The following EPS8L3 variants were observed in gnomAD, a reference collection of about 807,000 sequenced individuals.
The protein encoded by EPS8L3 is epidermal growth factor receptor kinase substrate 8-like protein 3.
A neutral mutation model predicts 88.5 loss-of-function variants in EPS8L3; 80 were observed. That is an observed-to-expected ratio of 0.90 (90% CI 0.75 to 1.09). EPS8L3 has a LOEUF of 1.09. EPS8L3 is among the 50% of genes least tolerant of loss of function. EPS8L3 has a pLI of 0.00. For missense variants in EPS8L3, 721 were observed against 735.2 expected, an observed-to-expected ratio of 0.98 and a Z score of 0.22; for synonymous variants, 286 against 291.0, an observed-to-expected ratio of 0.98 and a Z score of 0.18.
chr1:109,761,539 G>A lies in EPS8L3; in HGVS notation c.52C>T (p.Gln18Ter). The A allele has an allele frequency of 6.2e-7, 1 of 1,613,666 alleles. No homozygotes were observed. Among genetic ancestry groups the A allele is most frequent in the Non-Finnish European group, 8.5e-7 (1 of 1,179,804 alleles). ...AGGGTGGGCTCTGAGGTGAGGTTCT[G>A]GGAGTACTCCTTCCGGTGCACTACA... ...AIYLHRKEYS[Q>*]NLTSEPTLLQ... The change falls in exon 3 of 19, where the codon CAG becomes TAG. Residue 18 changes from glutamine to a stop codon, truncating the protein, a stop_gained. Coordinates refer to ENST00000361965, the MANE Select transcript of EPS8L3 (RefSeq NM_133181.4). LOFTEE classifies it high-confidence loss of function.
At position 109,758,606 on chromosome 1, in the gene EPS8L3, T is replaced by C; in HGVS notation, c.519A>G (p.Glu173=). 6.2e-7 allele frequency: 1 copy of C among 1,612,950 alleles called. No individual in the cohort carries two copies. The highest frequency in any genetic ancestry group is 8.5e-7 in the Non-Finnish European group (1 of 1,179,366). Residue 173 remains glutamate, a synonymous_variant, in exon 7 of 19, where the codon GAA becomes GAG. Transcript: ENST00000361965. ...GQDRWRGPAM[E]RPLPMEQARY... ...GTGCCTGCTCCATAGGGAGCGGCCT[T>C]TCCATAGCAGGCCCCCTCCATCTGT...
intron 3 of EPS8L3, 124 bp downstream of exon 3, chr1:109,761,371 G>T: frequency 1.3e-6 from 1 of 790,668 alleles, no homozygotes; most frequent in Non-Finnish European, 2.0e-6. Flanking sequence ...CGACATGGTT[G>T]GGACAGGCTG....
chr1:109,760,506 C>G (rs7534034), intron 3 of EPS8L3, among the ~76,000 whole-genome samples: 1 of 151,860 alleles, frequency 6.6e-6, no homozygotes, highest in Non-Finnish European at 1.5e-5. Flanking sequence ...TTGACCCCAC[C>G]CCCCTGCCCA....
In EPS8L3 at chr1:109,759,423, A is replaced by G; in HGVS notation, c.256-36T>C. ...TGGAGAGGTCAACTGTGAGGCCACC[A>G]GAGCTAGGTGTGGCTTCTGGGAGCT... On this transcript the variant is annotated intron_variant, in intron 4 of 18. Coordinates refer to ENST00000361965, the MANE Select transcript of EPS8L3 (RefSeq NM_133181.4). This position sits in a 1 kb window ranked among gnomAD's most constrained non-coding sequence, Gnocchi z 4.2. The G allele has an allele frequency of 4.4e-6, 7 of 1,606,936 alleles. No individual in the cohort carries two copies. The highest frequency in any genetic ancestry group is 6.0e-6 in the Non-Finnish European group (7 of 1,176,400).
chr1:109,760,185 G>A lies in EPS8L3; in HGVS notation c.97-349C>T, dbSNP rs113044568. Among the ~76,000 whole-genome samples the A allele has an allele frequency of 6.5e-3, 993 of 152,272 alleles. 14 individuals carry two copies. Among genetic ancestry groups the A allele is most frequent in the African/African-American group, 0.023 (943 of 41,534 alleles). ...CCCAACAAATAACTCCTCTGGAGGT[G>A]ATACAGGACCCTCAGATTCTGTCCC... On this transcript the variant is annotated intron_variant, in intron 3 of 18. Coordinates refer to ENST00000361965, the MANE Select transcript of EPS8L3 (RefSeq NM_133181.4).
intron 12 of EPS8L3, among the ~76,000 whole-genome samples, chr1:109,756,049 C>A (rs1267700907): frequency 3.9e-5 from 6 of 152,226 alleles, no homozygotes; most frequent in Non-Finnish European, 8.8e-5. Flanking sequence ...GCAAACTATG[C>A]TTGTCAAGGT....
In EPS8L3 at chr1:109,759,185, T is replaced by C. The variant is rs1570698839; in HGVS notation, c.405+53A>G. On this transcript the variant is annotated intron_variant, in intron 5 of 18. Transcript: ENST00000361965. The surrounding 1 kb of genome is among the most constrained non-coding windows in gnomAD (Gnocchi z 4.2). Reference sequence around the variant, plus strand: ...TGTGTGTGTGTGTGTGTGTGTGTGGTGGGGTGATGGTCGATGAACCCCACC... The same window carrying C: ...TGTGTGTGTGTGTGTGTGTGTGTGGCGGGGTGATGGTCGATGAACCCCACC... The C allele has an allele frequency of 1.6e-5, 25 of 1,540,966 alleles. 1 individual carries two copies. In the South Asian group the frequency reaches 2.8e-4, roughly 17 times the overall value.
At chr1:109,755,411 A>C (rs1190491810) in intron 12 of EPS8L3, among the ~76,000 whole-genome samples, 1 of 152,242 alleles carries the variant, frequency 6.6e-6, no homozygotes. Context: ...ATTTCATGCT[A>C]TGTATATTAT....
rs139691486 is a variant in EPS8L3, at chr1:109,757,288, G to T, written c.970-123C>A. 6.1e-5 allele frequency: 77 copies of T among 1,262,996 alleles called. No homozygotes were observed. In the African/African-American group the frequency reaches 1.1e-3, roughly 18 times the overall value. 78.2% of individuals were successfully genotyped at this position (1,262,996 alleles called of 1,614,324 possible). On this transcript the variant is annotated intron_variant, in intron 11 of 18. Coordinates refer to ENST00000361965, the MANE Select transcript of EPS8L3 (RefSeq NM_133181.4). The stretch of plus-strand genomic sequence containing the variant: ...GGTAGGATGTTACCTCCTGCAAGGG[G>T]CCCCATCTGCCTTGGGCCTGCTGCT...
chr1:109,758,504 C>A lies in EPS8L3; in HGVS notation c.601+20G>T, dbSNP rs1221638070. 4 of 1,560,770 alleles carry A rather than the reference C, an allele frequency of 2.6e-6. No individual in the cohort carries two copies. The highest frequency in any genetic ancestry group is 1.2e-5 in the South Asian group (1 of 82,758). On this transcript the variant is annotated intron_variant, in intron 7 of 18. Transcript: ENST00000361965. ...TCATCGAAACCCTCTCCTTCACCTG[C>A]CCCCATGCCCCAAACTTACTGTGCT... is the stretch of plus-strand genomic sequence containing the variant.
Position 109,758,504 on chromosome 1 carries a change from C to T in EPS8L3, c.601+20G>A. ...TCATCGAAACCCTCTCCTTCACCTG[C>T]CCCCATGCCCCAAACTTACTGTGCT... On this transcript the variant is annotated intron_variant, in intron 7 of 18. Transcript: ENST00000361965. 1 of 1,560,770 alleles carries T rather than the reference C, an allele frequency of 6.4e-7. No homozygotes were observed. Among genetic ancestry groups the T allele is most frequent in the Non-Finnish European group, 8.7e-7 (1 of 1,154,186 alleles).
intron 14 of EPS8L3, 37 bp from the exon 15 acceptor site, chr1:109,752,230 C>G (rs762649605): frequency 6.3e-7 from 1 of 1,578,826 alleles, no homozygotes; most frequent in Non-Finnish European, 8.6e-7. Context: ...AGAATGGGGC[C>G]TCAGAAATTA....
intron 17 of EPS8L3, 38 bp from the exon 18 acceptor site, chr1:109,750,830 G>A (rs1649723805): frequency 6.2e-7 from 1 of 1,612,536 alleles, no homozygotes; most frequent in Admixed American, 1.7e-5. Flanking sequence ...GTGGTGGGCT[G>A]GAAGGACCCT....
rs756144095 is a variant in EPS8L3 at position 109,758,505 on chromosome 1, C to T, written c.601+19G>A. The stretch of plus-strand genomic sequence containing the variant: ...CATCGAAACCCTCTCCTTCACCTGC[C>T]CCCATGCCCCAAACTTACTGTGCTC... On this transcript the variant is annotated intron_variant, in intron 7 of 18. Coordinates refer to ENST00000361965, the MANE Select transcript of EPS8L3 (RefSeq NM_133181.4). 20 of 1,561,214 alleles carry T rather than the reference C, an allele frequency of 1.3e-5. No homozygotes were observed. The highest frequency in any genetic ancestry group is 1.9e-5 in the Admixed American group (1 of 51,664).
In EPS8L3 at chr1:109,758,075, C is replaced by A. The variant is rs1650476069; in HGVS notation, c.718-17G>T. On this transcript the variant is annotated splice_polypyrimidine_tract_variant and intron_variant, in intron 8 of 18. Transcript: ENST00000361965. The stretch of plus-strand genomic sequence containing the variant: ...CAGCACTTCCTGGGCCCCAAACAAC[C>A]CATGGCCTTGAACGGGCAGTTGGGC... The A allele has an allele frequency of 1.2e-6, 2 of 1,610,334 alleles. No homozygotes were observed. The highest frequency in any genetic ancestry group is 3.3e-5 in the Admixed American group (2 of 60,000).
At chr1:109,763,061 C>T (rs181060341) in intron 1 of EPS8L3, among the ~76,000 whole-genome samples, 18 of 152,230 alleles carry the variant, frequency 1.2e-4, no homozygotes, top group Admixed American at 4.6e-4. Flanking sequence ...TGGACTACCC[C>T]GGGTAACATG....
intron 3 of EPS8L3, 59 bp downstream of exon 3, chr1:109,761,436 G>A (rs763928795): frequency 5.5e-6 from 8 of 1,464,154 alleles, no homozygotes; most frequent in African/African-American, 1.4e-5. Context: ...CAGGGCGGTG[G>A]GCACATGGGA....
At chr1:109,763,204 C>T (rs1651181636) in intron 1 of EPS8L3, among the ~76,000 whole-genome samples, 1 of 152,326 alleles carries the variant, frequency 6.6e-6, no homozygotes, top group Middle Eastern at 3.4e-3. Flanking sequence ...ACGGCTGGAT[C>T]TCTGGTTTCC....
Position 109,757,054 on chromosome 1 carries a change from G to T in EPS8L3, c.1081C>A (p.Leu361Ile), listed in dbSNP as rs756032557. 87 of 1,614,066 alleles carry T rather than the reference G, an allele frequency of 5.4e-5. No homozygotes were observed. Among genetic ancestry groups the T allele is most frequent in the Non-Finnish European group, 6.9e-5 (82 of 1,180,036 alleles). Residue 361 changes from leucine (L) to isoleucine (I), a missense_variant, in exon 12 of 19, where the codon CTT becomes ATT. Leu to Ile is a conservative substitution (Grantham distance 5). Transcript: ENST00000361965. Reference sequence around the variant, plus strand: ...CAGGCTGGGCCCAACCCCATCCAAAGGTTACTCTCAGGTGGGCTTAGACAG... The same window carrying T: ...CAGGCTGGGCCCAACCCCATCCAAATGTTACTCTCAGGTGGGCTTAGACAG... ...QSCLSPPESNLWMGLGPAWTT... is the reference protein window; with the variant it reads ...QSCLSPPESNIWMGLGPAWTT...
Sources: gnomAD v4.1 joint callset for allele counts (sites outside exome capture counted in the v4.1 genomes callset) on GRCh38, gnomAD v4.1.1 for gene constraint, Gnocchi (gnomAD v3.1) non-coding constraint, MANE v1.5 for transcripts, NCBI Gene and HGNC (gene_info 2026-07-23, HGNC 2026-07-21) for gene names.